KCNQ5: variants seen among roughly 807,000 people sequenced by gnomAD.
KCNQ5 encodes potassium voltage-gated channel subfamily KQT member 5.
A neutral mutation model predicts 98.2 loss-of-function variants in KCNQ5; 30 were observed. The observed-to-expected ratio is 0.31, with a 90% CI of 0.23 to 0.41. KCNQ5 has a LOEUF of 0.41. KCNQ5 is among the 10% of genes least tolerant of loss of function. The probability of loss-of-function intolerance (pLI) is 1.00; values close to 1 mark genes in which losing one functional copy is unlikely to be tolerated. For missense variants in KCNQ5, 835 were observed against 1,182.5 expected, an observed-to-expected ratio of 0.71 and a Z score of 4.31; for synonymous variants, 458 against 449.4, an observed-to-expected ratio of 1.02 and a Z score of -0.24.
chr6:72,697,307 C>A (rs1257995721), intron 1 of KCNQ5, among the ~76,000 whole-genome samples: 4 of 152,094 alleles, frequency 2.6e-5, no homozygotes, highest in Admixed American at 2.6e-4. Flanking sequence ...ACCAATTGAA[C>A]TGTGGAAGGA....
At chr6:73,121,121 T>C (rs1405197236) in intron 8 of KCNQ5, among the ~76,000 whole-genome samples, 1 of 152,208 alleles carries the variant, frequency 6.6e-6, no homozygotes, top group Non-Finnish European at 1.5e-5. Flanking sequence ...AATGAGGCAA[T>C]GGGACCCAGC....
chr6:73,190,461 T>C, intron 11 of KCNQ5, 112 bp from the exon 12 acceptor site: 1 of 510,038 alleles, frequency 2.0e-6, no homozygotes, highest in Non-Finnish European at 3.1e-6. Flanking sequence ...CAAAAATAAT[T>C]TGATGCATGA....
At chr6:73,031,358 G>C (rs2150348206) in intron 2 of KCNQ5, among the ~76,000 whole-genome samples, 1 of 152,294 alleles carries the variant, frequency 6.6e-6, no homozygotes, top group East Asian at 1.9e-4. Flanking sequence ...ATTGCAATTA[G>C]TGTCATAAAG....
intron 1 of KCNQ5, among the ~76,000 whole-genome samples, chr6:72,939,736 G>A (rs1346469723): frequency 1.3e-5 from 2 of 152,170 alleles, no homozygotes; most frequent in Admixed American, 6.5e-5. Flanking sequence ...GCAAATCAGA[G>A]AGTATCTCTG....
chr6:72,874,418 T>C (rs1407822632), intron 1 of KCNQ5, among the ~76,000 whole-genome samples: 1 of 152,140 alleles, frequency 6.6e-6, no homozygotes. Context: ...GGGACCTGGA[T>C]GGTCTATCTA....
intron 1 of KCNQ5, among the ~76,000 whole-genome samples, chr6:72,913,356 G>A (rs182878022): frequency 9.9e-5 from 15 of 151,996 alleles, no homozygotes; most frequent in African/African-American, 2.2e-4. Context: ...GAGAGTTTAC[G>A]GTAGTAAGTG....
chr6:72,642,883 A>G (rs1035951871), intron 1 of KCNQ5, among the ~76,000 whole-genome samples: 1 of 152,214 alleles, frequency 6.6e-6, no homozygotes, highest in Non-Finnish European at 1.5e-5. Context: ...GGTAGACTGG[A>G]TAAAGAAAAT....
chr6:72,762,783 G>T (rs1772354104), intron 1 of KCNQ5, among the ~76,000 whole-genome samples: 1 of 151,992 alleles, frequency 6.6e-6, no homozygotes, highest in Non-Finnish European at 1.5e-5. Flanking sequence ...AACATTTACT[G>T]CTGTATCTCA....
intron 1 of KCNQ5, chr6:72,987,230 G>A (rs1250588818): frequency 1.4e-6 from 1 of 692,338 alleles, no homozygotes; most frequent in Non-Finnish European, 2.8e-6. Flanking sequence ...AGAACAAGAG[G>A]AAAGAGAGTG....
At chr6:72,871,946 C>T (rs1778226463) in intron 1 of KCNQ5, among the ~76,000 whole-genome samples, 1 of 152,150 alleles carries the variant, frequency 6.6e-6, no homozygotes, top group Non-Finnish European at 1.5e-5. Context: ...GCTCTTTCCT[C>T]CCTCTTCCAG....
chr6:73,102,572 G>A lies in KCNQ5; in HGVS notation c.919-2685G>A, dbSNP rs75428695. The stretch of plus-strand genomic sequence containing the variant: ...AAATAAAATAATCCAATTTTAAAAC[G>A]GGCAAAAAATCTAAATAGATATTTC... On this transcript the variant is annotated intron_variant, in intron 5 of 13. Transcript: ENST00000370398. Among the ~76,000 whole-genome samples, 722 of 151,996 alleles carry A rather than the reference G, an allele frequency of 4.8e-3. 8 individuals carry two copies. The highest frequency in any genetic ancestry group is 0.016 in the African/African-American group (676 of 41,434).
At chr6:72,654,525 T>C (rs991393788) in intron 1 of KCNQ5, among the ~76,000 whole-genome samples, 2 of 151,938 alleles carry the variant, frequency 1.3e-5, no homozygotes, top group Non-Finnish European at 2.9e-5. Flanking sequence ...GTACTAGGCA[T>C]GAAGTGTTGG....
intron 1 of KCNQ5, among the ~76,000 whole-genome samples, chr6:72,957,120 G>A (rs1359748385): frequency 6.6e-6 from 1 of 151,524 alleles, no homozygotes; most frequent in Non-Finnish European, 1.5e-5. Context: ...AATGAGTAAG[G>A]GTGGACCTAG....
intron 1 of KCNQ5, among the ~76,000 whole-genome samples, chr6:72,811,492 A>G (rs1311381929): frequency 6.6e-6 from 1 of 152,202 alleles, no homozygotes; most frequent in Non-Finnish European, 1.5e-5. Flanking sequence ...CATAAATGAT[A>G]TACGCAAGCA....
chr6:73,046,180 C>T (rs1188240427), intron 3 of KCNQ5, among the ~76,000 whole-genome samples: 1 of 152,124 alleles, frequency 6.6e-6, no homozygotes. Flanking sequence ...GATTTTGAGA[C>T]ATCATTTTTC....
At chr6:72,688,027 C>T (rs1003479311) in intron 1 of KCNQ5, among the ~76,000 whole-genome samples, 3 of 151,990 alleles carry the variant, frequency 2.0e-5, no homozygotes, top group African/African-American at 4.8e-5. Context: ...TTAGTAGAGA[C>T]GGGGTTTCAC....
chr6:73,049,905 A>G (rs1462344861), intron 3 of KCNQ5, among the ~76,000 whole-genome samples: 2 of 152,094 alleles, frequency 1.3e-5, no homozygotes, highest in Non-Finnish European at 2.9e-5. Flanking sequence ...AAAACATACC[A>G]GGCACAGTGG....
At chr6:72,862,166 A>C (rs1777791932) in intron 1 of KCNQ5, among the ~76,000 whole-genome samples, 1 of 152,196 alleles carries the variant, frequency 6.6e-6, no homozygotes, top group African/African-American at 2.4e-5. Flanking sequence ...TGTCTAGCAC[A>C]AGCTGGTTGT....
chr6:72,852,789 A>T (rs1777336551), intron 1 of KCNQ5, among the ~76,000 whole-genome samples: 1 of 151,036 alleles, frequency 6.6e-6, no homozygotes, highest in African/African-American at 2.4e-5. Flanking sequence ...AATTATATAA[A>T]CATAATTAAA....
Sources: allele counts gnomAD v4.1 joint callset (sites outside exome capture counted in the v4.1 genomes callset), GRCh38; gene constraint gnomAD v4.1.1; transcripts MANE v1.5; gene names NCBI Gene and HGNC (gene_info 2026-07-23, HGNC 2026-07-21).